DENND2B: variants seen among roughly 807,000 people sequenced by gnomAD.
DENND2B encodes DENN domain-containing protein 2B.
A neutral mutation model predicts 116.0 loss-of-function variants in DENND2B; 32 were observed. That is an observed-to-expected ratio of 0.28 (90% CI 0.21 to 0.37). The LOEUF is 0.37. DENND2B is among the 10% of genes least tolerant of loss of function. The probability of loss-of-function intolerance (pLI) is 1.00; values close to 1 mark genes in which losing one functional copy is unlikely to be tolerated. For synonymous variants in DENND2B, 588 were observed against 583.9 expected (o/e 1.01, Z -0.10); for missense variants, 1,276 against 1,477.7 (o/e 0.86, Z 2.24).
Position 8,731,073 on chromosome 11 carries a change from G to T in DENND2B, c.217C>A (p.Pro73Thr). 6.2e-7 allele frequency: 1 copy of T among 1,613,482 alleles called. No individual in the cohort carries two copies. The highest frequency in any genetic ancestry group is 8.5e-7 in the Non-Finnish European group (1 of 1,179,556). The change falls in exon 3 of 20, where the codon CCA becomes ACA. Residue 73 changes from proline (P) to threonine (T), a missense_variant. Pro to Thr is a conservative substitution (Grantham distance 38). Coordinates refer to ENST00000313726, the MANE Select transcript of DENND2B (RefSeq NM_213618.2). ...SRVLLKDRHP[P>T]APSPQNPQDP... ...TGAGGATTCTGGGGTGAAGGAGCTGGGGGGTGCCGGTCCTTGAGGAGCACC... is the reference window on the plus strand; with the variant it reads ...TGAGGATTCTGGGGTGAAGGAGCTGTGGGGTGCCGGTCCTTGAGGAGCACC...
intron 14 of DENND2B, among the ~76,000 whole-genome samples, chr11:8,701,968 G>A (rs375295947): frequency 3.9e-4 from 60 of 152,110 alleles, no homozygotes; most frequent in African/African-American, 1.3e-3. Flanking sequence ...TCTGTTTCCC[G>A]GTGTGGGCTG....
In DENND2B at chr11:8,693,620, C is replaced by T. The variant is rs1404301993; in HGVS notation, c.*476G>A. ...CAGAGGGTATGGGTATGCGGACTAC[C>T]AGCAAAAAATAGAAACTTGATTTTT... On this transcript the variant is annotated 3_prime_UTR_variant, in exon 20 of 20. Transcript: ENST00000313726. The T allele has an allele frequency of 6.4e-6, 1 of 155,220 alleles. No individual in the cohort carries two copies. Among genetic ancestry groups the T allele is most frequent in the East Asian group, 1.9e-4 (1 of 5,258 alleles). The allele number at this position is 155,220 out of a possible 1,614,324, so 9.6% of individuals were successfully genotyped here. A position where few individuals can be genotyped will look rare whatever the true frequency, so the allele number is the denominator to read the frequency against.
At chr11:8,749,993 G>A (rs185888796) in intron 2 of DENND2B, among the ~76,000 whole-genome samples, 1 of 152,322 alleles carries the variant, frequency 6.6e-6, no homozygotes, top group Non-Finnish European at 1.5e-5. Context: ...GTAGCTTTAT[G>A]TCAGCCATAA....
At chr11:8,855,103 C>T (rs2063148321) in intron 3 of DENND2B, among the ~76,000 whole-genome samples, 1 of 151,416 alleles carries the variant, frequency 6.6e-6, no homozygotes, top group Non-Finnish European at 1.5e-5. Flanking sequence ...TGTGTTCACA[C>T]CACTGCATTC....
At position 8,730,442 on chromosome 11, in the gene DENND2B, C is replaced by T; in HGVS notation, c.848G>A (p.Ser283Asn). The T allele has an allele frequency of 6.2e-7, 1 of 1,610,194 alleles. No individual in the cohort carries two copies. The change falls in exon 3 of 20, where the codon AGC (serine) becomes AAC (asparagine). Residue 283 changes from serine (S) to asparagine (N), a missense_variant. Transcript: ENST00000313726. This position sits in a 1 kb window ranked among gnomAD's most constrained non-coding sequence, Gnocchi z 4.1. ...GACCTGTTCAATTTTCTGGATCCGG[C>T]TCAGCACTGCTGAGCTCTCCTTCCT... Reference protein sequence around the residue: ...GSRKESSAVLSRIQKIEQVLK... With the variant: ...GSRKESSAVLNRIQKIEQVLK...
chr11:8,702,814 C>T lies in DENND2B; in HGVS notation c.2572-94G>A. 1.3e-6 allele frequency: 2 copies of T among 1,490,232 alleles called. No individual in the cohort carries two copies. The highest frequency in any genetic ancestry group is 1.8e-6 in the Non-Finnish European group (2 of 1,101,566). 92.3% of individuals were successfully genotyped at this position (1,490,232 alleles called of 1,614,324 possible). On this transcript the variant is annotated intron_variant, in intron 13 of 19. Transcript: ENST00000313726. This position sits in a 1 kb window ranked among gnomAD's most constrained non-coding sequence, Gnocchi z 4.6. Reference sequence around the variant, plus strand: ...AGCAACTGGAGCTGCTTTCCCCTTCCAACCTGCTCTTTTCCAGGTCTCTCG... The same window carrying T: ...AGCAACTGGAGCTGCTTTCCCCTTCTAACCTGCTCTTTTCCAGGTCTCTCG...
intron 1 of DENND2B, among the ~76,000 whole-genome samples, chr11:8,805,906 C>T (rs1158861207): frequency 6.6e-6 from 1 of 152,104 alleles, no homozygotes; most frequent in East Asian, 1.9e-4. Context: ...TAGATGGGCA[C>T]CAGAGACACC....
At chr11:8,818,365 C>T (rs968752434) in intron 4 of DENND2B, among the ~76,000 whole-genome samples, 3 of 151,994 alleles carry the variant, frequency 2.0e-5, no homozygotes, top group South Asian at 2.1e-4. Flanking sequence ...TTCAGGATTG[C>T]GGAGGCAAGG....
chr11:8,750,657 G>C lies in DENND2B; in HGVS notation c.44C>G (p.Ala15Gly), dbSNP rs747636882. The C allele has an allele frequency of 1.2e-6, 2 of 1,614,142 alleles. No homozygotes were observed. The highest frequency in any genetic ancestry group is 1.1e-5 in the South Asian group (1 of 91,076). ...CCCCCGAGGGGCTTTAGTGCCACCA[G>C]CTCCGTGGGTGATGCTGGAATTCTT... ...ANKNSSITHG[A>G]GGTKAPRGTL... Residue 15 changes from alanine to glycine, a missense_variant, in exon 2 of 20, where the codon GCT becomes GGT. This residue lies in a region of DENND2B where 856 missense variants were observed against 846.6 expected (regional missense o/e 1.01). Coordinates refer to ENST00000313726, the MANE Select transcript of DENND2B (RefSeq NM_213618.2).
chr11:8,720,352 CAT>C (rs1336628977), intron 4 of DENND2B, among the ~76,000 whole-genome samples: 2 of 152,120 alleles, frequency 1.3e-5, no homozygotes, highest in Non-Finnish European at 2.9e-5. Flanking sequence ...AAGAAAAAGA[CAT>C]AGGATACTGA....
chr11:8,889,139 C>A (rs543404928), intron 1 of DENND2B, among the ~76,000 whole-genome samples: 42 of 152,138 alleles, frequency 2.8e-4, no homozygotes, highest in Non-Finnish European at 5.7e-4. Flanking sequence ...ATGTTCATAG[C>A]AGCATTATTT....
intron 5 of DENND2B, 58 bp downstream of exon 5, chr11:8,717,683 C>T: frequency 1.4e-6 from 2 of 1,471,176 alleles, no homozygotes; most frequent in Non-Finnish European, 1.8e-6. Context: ...CTTGGAAGAG[C>T]AGGCCCCCAC....
intron 18 of DENND2B, chr11:8,695,927 C>A: frequency 7.4e-6 from 2 of 270,538 alleles, no homozygotes; most frequent in Non-Finnish European, 1.4e-5. Context: ...AAGTACTAAC[C>A]CTGAGGTTAG....
chr11:8,787,211 G>A (rs1461015513), intron 1 of DENND2B: 1 of 152,186 alleles, frequency 6.6e-6, no homozygotes, highest in Non-Finnish European at 1.5e-5. Flanking sequence ...TCTCCTCTGA[G>A]AGGACAGGAT....
intron 4 of DENND2B, among the ~76,000 whole-genome samples, chr11:8,832,377 G>A (rs889703469): frequency 5.3e-5 from 8 of 151,934 alleles, no homozygotes; most frequent in African/African-American, 1.9e-4. Context: ...GCTTGGACCG[G>A]GGAGGCGGAG....
At chr11:8,885,935 T>A (rs1361543065) in intron 1 of DENND2B, among the ~76,000 whole-genome samples, 2 of 152,078 alleles carry the variant, frequency 1.3e-5, no homozygotes, top group Non-Finnish European at 2.9e-5. Context: ...ATATTCTTTT[T>A]TTTTCTAACT....
At chr11:8,711,267 C>A (rs749289210) in intron 9 of DENND2B, 36 bp from the exon 10 acceptor site, 2 of 1,599,628 alleles carry the variant, frequency 1.3e-6, no homozygotes, top group Admixed American at 3.3e-5. Flanking sequence ...TGACATGGAA[C>A]CTGAGGGCGG....
chr11:8,908,640 T>C (rs1191304197), intron 1 of DENND2B, among the ~76,000 whole-genome samples: 1 of 21,624 alleles, frequency 4.6e-5, no homozygotes, highest in Non-Finnish European at 4.6e-4. Context: ...CTCTCACTGA[T>C]TCCTAGGCCA....
At chr11:8,778,664 C>G (rs949540812) in intron 1 of DENND2B, among the ~76,000 whole-genome samples, 1 of 152,216 alleles carries the variant, frequency 6.6e-6, no homozygotes, top group Non-Finnish European at 1.5e-5. Flanking sequence ...CCCACGTACC[C>G]GGGGGCTGGG....
Sources: gnomAD v4.1 joint callset for allele counts (sites outside exome capture counted in the v4.1 genomes callset) on GRCh38, gnomAD v4.1.1 for gene constraint, gnomAD v4.1.1 regional missense constraint, Gnocchi (gnomAD v3.1) non-coding constraint, MANE v1.5 for transcripts, NCBI Gene and HGNC (gene_info 2026-07-23, HGNC 2026-07-21) for gene names.